The following NFAT5 variants were observed in gnomAD, a reference collection of about 807,000 sequenced individuals.
NFAT5 encodes nuclear factor of activated T cells 5.
In NFAT5, 31 loss-of-function variants were observed where a neutral mutation model predicts 166.5. The observed-to-expected ratio is 0.19, with a 90% CI of 0.14 to 0.25. The LOEUF is 0.25. Ranked by LOEUF, NFAT5 falls within the 10% of genes least tolerant of loss-of-function variation. NFAT5 has a pLI of 1.00. For synonymous variants in NFAT5, 612 were observed against 639.7 expected, an observed-to-expected ratio of 0.96 and a Z score of 0.65; for missense variants, 1,449 against 1,821.8, an observed-to-expected ratio of 0.80 and a Z score of 3.72.
At chr16:69,617,151 C>T (rs921587111) in intron 2 of NFAT5, among the ~76,000 whole-genome samples, 1 of 152,016 alleles carries the variant, frequency 6.6e-6, no homozygotes, top group African/African-American at 2.4e-5. Flanking sequence ...ACCGTGTTAG[C>T]CAGGATGGTC....
intron 3 of NFAT5, among the ~76,000 whole-genome samples, chr16:69,633,430 TTATAAC>T (rs1343933658): frequency 1.3e-5 from 2 of 152,202 alleles, no homozygotes; most frequent in African/African-American, 4.8e-5. Context: ...CAAAAAGTGT[TTATAAC>T]TAATTGTTTT....
intron 2 of NFAT5, among the ~76,000 whole-genome samples, chr16:69,569,324 CA>C (rs368222174): frequency 0.064 from 7,886 of 122,918 alleles, 240 homozygotes; most frequent in Middle Eastern, 0.13. Flanking sequence ...ATTAAGAAAC[CA>C]AAAAAAAAAA....
In NFAT5 at chr16:69,699,383, GA is replaced by G. The variant is rs2037855590; in HGVS notation, c.*3036del. On this transcript the variant is annotated 3_prime_UTR_variant, in exon 15 of 15. Transcript: ENST00000349945. The stretch of plus-strand genomic sequence containing the variant: ...GTAGTGGTTTGATCGGATGGAGACA[GA>G]AAACCCGATTTTTATTCTCATAAAT... The G allele has an allele frequency of 6.6e-6, 1 of 152,640 alleles. No individual in the cohort carries two copies. Among genetic ancestry groups the G allele is most frequent in the Admixed American group, 6.5e-5 (1 of 15,282 alleles). 9.5% of individuals were successfully genotyped at this position (152,640 alleles called of 1,614,324 possible). A position where few individuals can be genotyped will look rare whatever the true frequency, so the allele number is the denominator to read the frequency against.
At chr16:69,578,920 G>A (rs1034162727) in intron 2 of NFAT5, among the ~76,000 whole-genome samples, 1 of 151,620 alleles carries the variant, frequency 6.6e-6, no homozygotes, top group African/African-American at 2.4e-5. Flanking sequence ...TGTCACCCAG[G>A]CTGGAGTGCA....
At chr16:69,676,221 G>A (rs1439906151) in intron 9 of NFAT5, among the ~76,000 whole-genome samples, 3 of 151,954 alleles carry the variant, frequency 2.0e-5, no homozygotes, top group Non-Finnish European at 4.4e-5. Context: ...ATCTACTAGG[G>A]AAGAAGAAAA....
At chr16:69,683,552 G>A (rs1392436020) in intron 10 of NFAT5, among the ~76,000 whole-genome samples, 2 of 152,128 alleles carry the variant, frequency 1.3e-5, no homozygotes, top group Non-Finnish European at 2.9e-5. Flanking sequence ...AAATATATAT[G>A]TATATTCAAA....
At chr16:69,596,422 TAAAAA>T (rs566480763) in intron 2 of NFAT5, among the ~76,000 whole-genome samples, 138 of 152,088 alleles carry the variant, frequency 9.1e-4, no homozygotes, top group Non-Finnish European at 1.6e-3. Flanking sequence ...GAGCTAGTCT[TAAAAA>T]AAGAAAAGAA....
chr16:69,670,381 C>A (rs1438629784), intron 9 of NFAT5, 93 bp downstream of exon 9: 1 of 752,434 alleles, frequency 1.3e-6, no homozygotes, highest in African/African-American at 1.8e-5. Flanking sequence ...GATTAAATTT[C>A]TTCTTCCTAT....
chr16:69,688,085 A>G (rs1383219424), intron 11 of NFAT5, among the ~76,000 whole-genome samples: 2 of 150,220 alleles, frequency 1.3e-5, no homozygotes, highest in Non-Finnish European at 3.0e-5. Context: ...AGTCCCAGCT[A>G]CTCGGGAGGC....
In NFAT5 at chr16:69,667,520, C is replaced by T. The variant is rs535251135; in HGVS notation, c.1370-2457C>T. 2.0e-3 allele frequency among the ~76,000 whole-genome samples: 297 copies of T among 150,322 alleles called. 4 individuals are homozygous for T. The highest frequency in any genetic ancestry group is 0.01 in the East Asian group (52 of 5,116). On this transcript the variant is annotated intron_variant, in intron 7 of 14. Transcript: ENST00000349945. ...AAAAAAAAAAAAAAAAGAAAGTAAC[C>T]GACTAGTTCTTTCTGTAATGTAAAT...
intron 2 of NFAT5, among the ~76,000 whole-genome samples, chr16:69,571,559 T>C (rs544989908): frequency 1.3e-5 from 2 of 152,260 alleles, no homozygotes; most frequent in East Asian, 1.9e-4. Context: ...GTAATATTTA[T>C]GTATGCATGT....
Position 69,598,148 on chromosome 16 carries a change from C to T in NFAT5, c.128-28255C>T, listed in dbSNP as rs190431398. Among the ~76,000 whole-genome samples, 310 of 151,552 alleles carry T rather than the reference C, an allele frequency of 2.0e-3. 3 individuals are homozygous for T. The highest frequency in any genetic ancestry group is 9.4e-3 in the South Asian group (45 of 4,800). On this transcript the variant is annotated intron_variant, in intron 2 of 14. Coordinates refer to ENST00000349945, the MANE Select transcript of NFAT5 (RefSeq NM_138713.4). ...CTGTAATTCCAGCACTTTGGAAGCCCGAGGCGGGAGGATAGCTTGAGCCCA... is the reference window on the plus strand; with the variant it reads ...CTGTAATTCCAGCACTTTGGAAGCCTGAGGCGGGAGGATAGCTTGAGCCCA...
chr16:69,617,188 C>T (rs537524031), intron 2 of NFAT5, among the ~76,000 whole-genome samples: 8 of 152,084 alleles, frequency 5.3e-5, no homozygotes, highest in South Asian at 2.1e-4. Context: ...GTGATCCGCC[C>T]GCCTCGGCCT....
chr16:69,678,720 C>T (rs1308776526), intron 10 of NFAT5, among the ~76,000 whole-genome samples: 1 of 152,202 alleles, frequency 6.6e-6, no homozygotes, highest in African/African-American at 2.4e-5. Flanking sequence ...AGTCCAGTCT[C>T]AAGCATACTT....
At chr16:69,652,780 T>C (rs924282487) in intron 4 of NFAT5, among the ~76,000 whole-genome samples, 2 of 152,266 alleles carry the variant, frequency 1.3e-5, no homozygotes, top group African/African-American at 4.8e-5. Context: ...TCACTTCTTT[T>C]ACTGTGCAGT....
chr16:69,682,440 C>G (rs568297017), intron 10 of NFAT5, among the ~76,000 whole-genome samples: 16 of 151,062 alleles, frequency 1.1e-4, no homozygotes, highest in East Asian at 7.8e-4. Flanking sequence ...AGACCCCCCC[C>G]CCCGCCATCC....
intron 11 of NFAT5, among the ~76,000 whole-genome samples, chr16:69,688,198 G>A (rs1169642092): frequency 9.3e-5 from 4 of 42,850 alleles, no homozygotes; most frequent in East Asian, 2.0e-3. Context: ...GCGAGACTCC[G>A]TCTCAAAAAA....
intron 7 of NFAT5, among the ~76,000 whole-genome samples, chr16:69,663,321 G>A (rs2036226742): frequency 6.6e-6 from 1 of 152,136 alleles, no homozygotes; most frequent in Non-Finnish European, 1.5e-5. Context: ...TAAGGGGATA[G>A]AAGATCATCC....
chr16:69,584,781 T>C (rs2031935714), intron 2 of NFAT5, among the ~76,000 whole-genome samples: 1 of 152,026 alleles, frequency 6.6e-6, no homozygotes, highest in Non-Finnish European at 1.5e-5. Flanking sequence ...AGTAAGACCC[T>C]GTCTCAAAAA....
Sources: gnomAD v4.1 joint callset for allele counts (sites outside exome capture counted in the v4.1 genomes callset) on GRCh38, gnomAD v4.1.1 for gene constraint, MANE v1.5 for transcripts, NCBI Gene and HGNC (gene_info 2026-07-23, HGNC 2026-07-21) for gene names.